TMEM184B: variants seen among roughly 807,000 people sequenced by gnomAD.
TMEM184B encodes the protein putative MAPK-activating protein FM08.
In TMEM184B, 17 loss-of-function variants were observed where a neutral mutation model predicts 41.8. That is an observed-to-expected ratio of 0.41 (90% CI 0.28 to 0.61). The LOEUF (loss-of-function observed/expected upper bound fraction) is 0.61, where lower values mean the gene tolerates loss of function less well. Among genes scored for constraint, TMEM184B ranks in the 20% least tolerant of loss-of-function variants. The pLI is 0.34. For synonymous variants in TMEM184B, 240 were observed against 229.5 expected, an observed-to-expected ratio of 1.05 and a Z score of -0.41; for missense variants, 393 against 557.8, an observed-to-expected ratio of 0.70 and a Z score of 2.98.
intron 1 of TMEM184B, among the ~76,000 whole-genome samples, chr22:38,267,608 T>A (rs377219268): frequency 1.3e-4 from 20 of 152,170 alleles, no homozygotes; most frequent in Middle Eastern, 3.4e-3. Flanking sequence ...GATTTTTGTA[T>A]TTTTAGTAGA....
chr22:38,235,733 G>C (rs929890678), intron 3 of TMEM184B, among the ~76,000 whole-genome samples: 3 of 152,210 alleles, frequency 2.0e-5, no homozygotes, highest in Admixed American at 6.5e-5. Context: ...GGAAAGTACA[G>C]AGCCATGTGA....
chr22:38,217,107 A>G (rs1329608230), downstream of TMEM184B, among the ~76,000 whole-genome samples: 4 of 151,706 alleles, frequency 2.6e-5, no homozygotes, highest in Non-Finnish European at 5.9e-5. Context: ...CGGGTGGATC[A>G]TTTGAGGTCA....
At chr22:38,224,423 C>T (rs868854018) in intron 8 of TMEM184B, among the ~76,000 whole-genome samples, 1 of 152,120 alleles carries the variant, frequency 6.6e-6, no homozygotes, top group African/African-American at 2.4e-5. Context: ...CAGAAGTATC[C>T]TTTTTTTAAA....
rs143353138 is a variant in TMEM184B, at chr22:38,258,878, C to T, written c.-58-10859G>A. On this transcript the variant is annotated intron_variant, in intron 1 of 8. Transcript: ENST00000361906. ...CAGAGAAGGGGATGTGGGCCTGGAC[C>T]GTCTTCCAGAACTGTAGGGAGGCTG... Among the ~76,000 whole-genome samples the T allele has an allele frequency of 1.7e-3, 253 of 152,256 alleles. 2 individuals are homozygous for T. The highest frequency in any genetic ancestry group is 5.9e-3 in the African/African-American group (244 of 41,546).
rs117827022 is a variant in TMEM184B at position 38,263,348 on chromosome 22, C to A, written c.-59+9536G>T. Among the ~76,000 whole-genome samples the A allele has an allele frequency of 1.5e-3, 223 of 152,288 alleles. 2 individuals are homozygous for A. The highest frequency in any genetic ancestry group is 5.1e-3 in the African/African-American group (212 of 41,562). ...CGACTTGCGGTGTCTGCCCAGAGAC[C>A]CCCTGGGCATAGACAAGCAAAGACA... On this transcript the variant is annotated intron_variant, in intron 1 of 8. Transcript: ENST00000361906.
rs367616345 is a variant in TMEM184B at position 38,221,655 on chromosome 22, C to G, written c.1038G>C (p.Pro346=). The G allele has an allele frequency of 9.9e-6, 16 of 1,614,080 alleles. No homozygotes were observed. In the South Asian group the frequency reaches 1.2e-4, roughly 12 times the overall value. The change falls in exon 9 of 9, where the codon CCG becomes CCC. Residue 346 remains proline (P), a synonymous_variant. Coordinates refer to ENST00000361906, the MANE Select transcript of TMEM184B (RefSeq NM_012264.5). Reference sequence around the variant, plus strand: ...GGATGGCGTCCTGCACGATGTCGTGCGGGTTCATGGTCTCCTTGAGGCTGC... The same window carrying G: ...GGATGGCGTCCTGCACGATGTCGTGGGGGTTCATGGTCTCCTTGAGGCTGC... The part of the protein sequence containing the change: ...ISSSLKETMN[P]HDIVQDAIHN...
At chr22:38,257,234 A>G (rs889885594) in intron 1 of TMEM184B, among the ~76,000 whole-genome samples, 3 of 152,034 alleles carry the variant, frequency 2.0e-5, no homozygotes, top group Non-Finnish European at 4.4e-5. Context: ...TCCATTAAAA[A>G]TTTTCCAAAG....
chr22:38,260,722 C>T (rs374090139), intron 1 of TMEM184B, among the ~76,000 whole-genome samples: 1 of 152,216 alleles, frequency 6.6e-6, no homozygotes, highest in African/African-American at 2.4e-5. Flanking sequence ...ATGTCAGCTG[C>T]CATTGCTCTC....
At chr22:38,240,324 T>C (rs2091876125) in intron 3 of TMEM184B, among the ~76,000 whole-genome samples, 1 of 151,812 alleles carries the variant, frequency 6.6e-6, no homozygotes, top group Non-Finnish European at 1.5e-5. Flanking sequence ...AGAGAGCTAC[T>C]GACATTCTAA....
At chr22:38,256,653 T>C (rs1488606042) in intron 1 of TMEM184B, among the ~76,000 whole-genome samples, 1 of 152,234 alleles carries the variant, frequency 6.6e-6, no homozygotes, top group African/African-American at 2.4e-5. Flanking sequence ...AAGCTTTTTA[T>C]TATGGAACAT....
chr22:38,216,679 G>A (rs913933617), downstream of TMEM184B, among the ~76,000 whole-genome samples: 4 of 152,204 alleles, frequency 2.6e-5, no homozygotes, highest in Non-Finnish European at 5.9e-5. Flanking sequence ...CTGAAACTTC[G>A]ATGCTTCCTC....
chr22:38,251,711 A>AC (rs989040443), intron 1 of TMEM184B, among the ~76,000 whole-genome samples: 1 of 152,144 alleles, frequency 6.6e-6, no homozygotes, highest in African/African-American at 2.4e-5. Flanking sequence ...CAGGACGTTC[A>AC]CCTGGCACAG....
intron 1 of TMEM184B, among the ~76,000 whole-genome samples, chr22:38,253,596 A>T (rs1032625690): frequency 2.6e-5 from 4 of 152,210 alleles, no homozygotes; most frequent in Admixed American, 6.5e-5. Context: ...AATAAATAAT[A>T]AAAAACCTTA....
rs1158007204 is a variant in TMEM184B, at chr22:38,239,156, G to A, written c.358+6779C>T. The stretch of plus-strand genomic sequence containing the variant: ...AAACACTGAATGCATATGGGGGGTG[G>A]TTCCCACCCTGCCCCCATCTGCCTG... On this transcript the variant is annotated intron_variant, in intron 3 of 8. Transcript: ENST00000361906. The surrounding 1 kb of genome is among the most constrained non-coding windows in gnomAD (Gnocchi z 4.6). 6.6e-6 allele frequency among the ~76,000 whole-genome samples: 1 copy of A among 152,134 alleles called. No homozygotes were observed. Among genetic ancestry groups the A allele is most frequent in the African/African-American group, 2.4e-5 (1 of 41,422 alleles).
intron 1 of TMEM184B, among the ~76,000 whole-genome samples, chr22:38,254,044 T>TA (rs1430127411): frequency 6.6e-6 from 1 of 151,512 alleles, no homozygotes; most frequent in East Asian, 1.9e-4. Context: ...CTACTAAAAA[T>TA]AAAAAAATTA....
intron 3 of TMEM184B, 48 bp downstream of exon 3, chr22:38,245,887 A>G (rs938504429): frequency 1.8e-6 from 1 of 545,594 alleles, no homozygotes; most frequent in Non-Finnish European, 3.4e-6. Context: ...AGGGGCTCCC[A>G]GCCCCCCAGC....
chr22:38,260,580 C>T (rs962621452), intron 1 of TMEM184B, among the ~76,000 whole-genome samples: 4 of 152,150 alleles, frequency 2.6e-5, no homozygotes, highest in African/African-American at 9.6e-5. Flanking sequence ...TGTCTGTGAG[C>T]AAGTTACACA....
At chr22:38,224,656 G>T in intron 8 of TMEM184B, 129 bp downstream of exon 8, 2 of 919,054 alleles carry the variant, frequency 2.2e-6, no homozygotes, top group Non-Finnish European at 3.1e-6. Flanking sequence ...CCCCATTCCT[G>T]CATATAGAGT....
intron 1 of TMEM184B, among the ~76,000 whole-genome samples, chr22:38,264,938 C>A (rs554348679): frequency 1.3e-5 from 2 of 152,346 alleles, no homozygotes; most frequent in East Asian, 3.9e-4. Context: ...ATCATACTTA[C>A]ATGCTCTGAG....
Sources: allele counts gnomAD v4.1 joint callset (sites outside exome capture counted in the v4.1 genomes callset), GRCh38; gene constraint gnomAD v4.1.1; non-coding constraint Gnocchi (gnomAD v3.1); transcripts MANE v1.5; gene names NCBI Gene and HGNC (gene_info 2026-07-23, HGNC 2026-07-21).